WSCD2: variants seen among roughly 807,000 people sequenced by gnomAD.
The protein encoded by WSCD2 is WSC domain sialate O sulfotransferase 2.
A neutral mutation model predicts 55.7 loss-of-function variants in WSCD2; 28 were observed. That is an observed-to-expected ratio of 0.50 (90% CI 0.37 to 0.69). WSCD2 has a LOEUF of 0.69. Among genes scored for constraint, WSCD2 ranks in the 30% least tolerant of loss-of-function variants. The pLI is 0.00. For missense variants in WSCD2, 616 were observed against 762.1 expected (o/e 0.81, Z 2.26); for synonymous variants, 301 against 301.9 (o/e 1.00, Z 0.03).
At chr12:108,196,326 C>G in intron 2 of WSCD2, 112 bp downstream of exon 2, 2 of 1,392,196 alleles carry the variant, frequency 1.4e-6, no homozygotes, top group Non-Finnish European at 1.9e-6. Context: ...GCTGTCATAT[C>G]ATTGTAGCTA....
At chr12:108,160,995 T>C (rs181059160) in intron 1 of WSCD2, among the ~76,000 whole-genome samples, 87 of 152,322 alleles carry the variant, frequency 5.7e-4, no homozygotes, top group African/African-American at 1.8e-3. Context: ...ATTGGGATGA[T>C]AGATGAAAGC....
At chr12:108,136,340 T>C (rs950885348) in intron 1 of WSCD2, among the ~76,000 whole-genome samples, 1 of 152,226 alleles carries the variant, frequency 6.6e-6, no homozygotes, top group African/African-American at 2.4e-5. Flanking sequence ...GCAAGTCCCA[T>C]CTATAGAATG....
rs1306792625 is a variant in WSCD2, at chr12:108,240,408, C to A, written c.1209C>A (p.Ser403Arg). ...CCATCTGCATCAAGACGCACGAAAGCGGCCAGAAAGAGATCGAGGCCTTCG... is the reference window on the plus strand; with the variant it reads ...CCATCTGCATCAAGACGCACGAAAGAGGCCAGAAAGAGATCGAGGCCTTCG... Reference protein sequence around the residue: ...GRTICIKTHESGQKEIEAFDA... With the variant: ...GRTICIKTHERGQKEIEAFDA... Residue 403 changes from serine to arginine, a missense_variant, in exon 8 of 9, where the codon AGC (serine) becomes AGA (arginine). Physicochemically the swap from Ser to Arg is moderately radical, Grantham distance 110 (BLOSUM62 -1). Around this residue, in one of 3 missense-constraint regions of WSCD2, gnomAD observed 234 missense variants for 264.6 expected, o/e 0.88. Coordinates refer to ENST00000547525, the MANE Select transcript of WSCD2 (RefSeq NM_014653.4). 1.2e-6 allele frequency: 2 copies of A among 1,614,170 alleles called. No homozygotes were observed. The highest frequency in any genetic ancestry group is 4.5e-5 in the East Asian group (2 of 44,882).
At chr12:108,202,655 G>A (rs564329212) in intron 2 of WSCD2, among the ~76,000 whole-genome samples, 2 of 152,212 alleles carry the variant, frequency 1.3e-5, no homozygotes, top group Non-Finnish European at 2.9e-5. Context: ...TGAGTGATGA[G>A]AACACATGGA....
At chr12:108,158,186 C>T (rs1458187447) in intron 1 of WSCD2, among the ~76,000 whole-genome samples, 2 of 152,168 alleles carry the variant, frequency 1.3e-5, no homozygotes, top group African/African-American at 4.8e-5. Flanking sequence ...CTGCAATTCA[C>T]CCTACTGACC....
chr12:108,221,120 T>G (rs1313318624), intron 4 of WSCD2, among the ~76,000 whole-genome samples: 1 of 151,520 alleles, frequency 6.6e-6, no homozygotes, highest in Non-Finnish European at 1.5e-5. Flanking sequence ...TCAAGTGGAG[T>G]GGAAAGAGGG....
At chr12:108,133,753 C>T in intron 1 of WSCD2, among the ~76,000 whole-genome samples, 1 of 152,152 alleles carries the variant, frequency 6.6e-6, no homozygotes, top group East Asian at 1.9e-4. Context: ...CCTGCCCCCG[C>T]CTCCCTCACC....
chr12:108,236,874 C>T (rs1047088465), intron 7 of WSCD2, among the ~76,000 whole-genome samples: 3 of 152,150 alleles, frequency 2.0e-5, no homozygotes, highest in Non-Finnish European at 2.9e-5. Flanking sequence ...CCTGCCTCTC[C>T]CCATCTCAGA....
chr12:108,134,818 G>A (rs906698456), intron 1 of WSCD2, among the ~76,000 whole-genome samples: 4 of 152,140 alleles, frequency 2.6e-5, no homozygotes, highest in Non-Finnish European at 5.9e-5. Context: ...CACACACTAT[G>A]CCAGGAGCTT....
In WSCD2 at chr12:108,248,312, C is replaced by T. The variant is rs764803412; in HGVS notation, c.1667C>T (p.Thr556Met). The T allele has an allele frequency of 2.2e-5, 36 of 1,613,674 alleles. No homozygotes were observed. Among genetic ancestry groups the T allele is most frequent in the Middle Eastern group, 1.6e-4 (1 of 6,082 alleles). ...GCAGCCCTCAAAGGGCGGAACCTAACGGGTGTCCCCGATGACTACTACCCA... is the reference window on the plus strand; with the variant it reads ...GCAGCCCTCAAAGGGCGGAACCTAATGGGTGTCCCCGATGACTACTACCCA... ...VDAALKGRNL[T>M]GVPDDYYPR Residue 556 changes from threonine (T) to methionine (M), a missense_variant, in exon 9 of 9, where the codon ACG (threonine) becomes ATG (methionine). Physicochemically the swap from Thr to Met is moderately conservative, Grantham distance 81 (BLOSUM62 -1). Transcript: ENST00000547525. This position sits in a 1 kb window ranked among gnomAD's most constrained non-coding sequence, Gnocchi z 4.3.
intron 1 of WSCD2, among the ~76,000 whole-genome samples, chr12:108,141,277 T>A (rs1219715922): frequency 1.3e-5 from 2 of 152,162 alleles, no homozygotes; most frequent in African/African-American, 2.4e-5. Flanking sequence ...TTTTAAAAAA[T>A]TTTTGAAGAG....
intron 1 of WSCD2, among the ~76,000 whole-genome samples, chr12:108,150,660 A>G (rs1380594951): frequency 6.6e-6 from 1 of 152,138 alleles, no homozygotes; most frequent in Non-Finnish European, 1.5e-5. Context: ...CAGGACCCCG[A>G]TATGCAGTCG....
At chr12:108,136,449 T>C (rs1485682473) in intron 1 of WSCD2, among the ~76,000 whole-genome samples, 1 of 152,198 alleles carries the variant, frequency 6.6e-6, no homozygotes, top group African/African-American at 2.4e-5. Context: ...CCTTAATATA[T>C]GTTGGCCTGT....
At chr12:108,224,610 C>G (rs1413256172) in intron 4 of WSCD2, 129 bp from the exon 5 acceptor site, 35 of 1,258,918 alleles carry the variant, frequency 2.8e-5, no homozygotes, top group Non-Finnish European at 3.5e-5. Context: ...CTTTCCATCT[C>G]TGCTTTGGCT....
intron 2 of WSCD2, among the ~76,000 whole-genome samples, chr12:108,201,733 A>G (rs1593007244): frequency 6.6e-6 from 1 of 152,192 alleles, no homozygotes; most frequent in East Asian, 1.9e-4. Flanking sequence ...CAAACTATAA[A>G]TCAGAGGCAT....
chr12:108,234,219 C>T (rs1033352370), intron 7 of WSCD2, among the ~76,000 whole-genome samples: 1 of 152,206 alleles, frequency 6.6e-6, no homozygotes, highest in African/African-American at 2.4e-5. Flanking sequence ...CATTCAACGT[C>T]GTCAATAAAA....
chr12:108,175,575 T>C (rs537325630), intron 1 of WSCD2, among the ~76,000 whole-genome samples: 33 of 152,340 alleles, frequency 2.2e-4, no homozygotes, highest in Middle Eastern at 3.4e-3. Flanking sequence ...CTGTGGCTGG[T>C]ACTTCTCAGA....
chr12:108,240,555 G>A lies in WSCD2; in HGVS notation c.1345+11G>A, dbSNP rs376830847. ...ACTGGAAGGGCAAAGGTACAGCTCG[G>A]GAGAGGAGGGGAGGGGAGGGGAGGG... On this transcript the variant is annotated intron_variant, in intron 8 of 8. Coordinates refer to ENST00000547525, the MANE Select transcript of WSCD2 (RefSeq NM_014653.4). The A allele has an allele frequency of 3.8e-6, 6 of 1,597,054 alleles. No homozygotes were observed. The South Asian group carries it at 5.5e-5, about 15-fold the overall frequency.
chr12:108,133,216 G>A (rs888425460), intron 1 of WSCD2, among the ~76,000 whole-genome samples: 1 of 152,090 alleles, frequency 6.6e-6, no homozygotes, highest in African/African-American at 2.4e-5. Flanking sequence ...GTGAGTGTCA[G>A]TATCTGGGTG....
Sources: allele counts gnomAD v4.1 joint callset (sites outside exome capture counted in the v4.1 genomes callset), GRCh38; gene constraint gnomAD v4.1.1; regional missense constraint gnomAD v4.1.1; non-coding constraint Gnocchi (gnomAD v3.1); transcripts MANE v1.5; gene names NCBI Gene and HGNC (gene_info 2026-07-23, HGNC 2026-07-21).